Variants in CABIN1 observed in about 807,000 individuals in gnomAD.
CABIN1 encodes the protein calcineurin-binding protein cabin-1.
In CABIN1, 133 loss-of-function variants were observed where a neutral mutation model predicts 227.7. The observed-to-expected ratio is 0.58, with a 90% CI of 0.51 to 0.67. CABIN1 has a LOEUF of 0.67. CABIN1 is among the 30% of genes least tolerant of loss of function. CABIN1 has a pLI of 0.00. For synonymous variants in CABIN1, 1,086 were observed against 1,155.1 expected (o/e 0.94, Z 1.21); for missense variants, 2,408 against 2,852.5 (o/e 0.84, Z 3.55).
intron 26 of CABIN1, among the ~76,000 whole-genome samples, chr22:24,104,770 T>C (rs2042417470): frequency 6.6e-6 from 1 of 152,244 alleles, no homozygotes; most frequent in Non-Finnish European, 1.5e-5. Flanking sequence ...AGGCAGCTTT[T>C]ATCTAGTCAG....
intron 29 of CABIN1, among the ~76,000 whole-genome samples, chr22:24,144,529 G>A (rs1178062606): frequency 6.6e-6 from 1 of 152,264 alleles, no homozygotes; most frequent in Non-Finnish European, 1.5e-5. Flanking sequence ...CAGCAGCCAT[G>A]GAACCCAGAG....
intron 1 of CABIN1, among the ~76,000 whole-genome samples, chr22:24,019,454 C>T (rs566184410): frequency 5.0e-4 from 75 of 151,236 alleles, no homozygotes; most frequent in Middle Eastern, 3.4e-3. Context: ...AGGGTTTCAC[C>T]GTGTTGGCCA....
chr22:24,063,224 G>C, intron 14 of CABIN1, 78 bp downstream of exon 14: 1 of 1,342,774 alleles, frequency 7.4e-7, no homozygotes, highest in Non-Finnish European at 1.1e-6. Flanking sequence ...CATGTTGAGG[G>C]TGTGTGTGTG....
At chr22:24,093,892 T>A (rs1474078071) in intron 24 of CABIN1, among the ~76,000 whole-genome samples, 1 of 151,740 alleles carries the variant, frequency 6.6e-6, no homozygotes, top group Admixed American at 6.6e-5. Flanking sequence ...AAAAAAAAAA[T>A]TAAATTTGCC....
chr22:24,078,325 A>G (rs561329759), intron 19 of CABIN1, among the ~76,000 whole-genome samples: 1 of 152,328 alleles, frequency 6.6e-6, no homozygotes, highest in East Asian at 1.9e-4. Flanking sequence ...ATGAATGAAC[A>G]AACATAAAGA....
At chr22:24,061,056 GACAGGC>G (rs1601846226) in intron 12 of CABIN1, among the ~76,000 whole-genome samples, 1 of 152,212 alleles carries the variant, frequency 6.6e-6, no homozygotes, top group East Asian at 1.9e-4. Flanking sequence ...GCACTGGGAT[GACAGGC>G]GGGAGCCACC....
Position 24,035,495 on chromosome 22 carries a change from G to A in CABIN1, c.-23G>A. The A allele has an allele frequency of 6.2e-7, 1 of 1,614,140 alleles. No homozygotes were observed. Among genetic ancestry groups the A allele is most frequent in the Middle Eastern group, 1.7e-4 (1 of 6,058 alleles). On this transcript the variant is annotated 5_prime_UTR_variant, in exon 2 of 37. Transcript: ENST00000263119. ...GCCAGTGATGAGAAGTGATGCTCGT[G>A]GCAGTGCTGAATCTCTCTGAATATG...
chr22:24,029,210 C>G (rs1194108481), intron 1 of CABIN1, among the ~76,000 whole-genome samples: 1 of 152,006 alleles, frequency 6.6e-6, no homozygotes, highest in African/African-American at 2.4e-5. Flanking sequence ...AAAAATTAGC[C>G]AGACGTGGTG....
At chr22:24,156,379 C>T (rs1013000191) in intron 29 of CABIN1, among the ~76,000 whole-genome samples, 2 of 151,958 alleles carry the variant, frequency 1.3e-5, no homozygotes, top group Admixed American at 6.6e-5. Context: ...GCGGCCAAGC[C>T]GGCTTGGGCG....
intron 29 of CABIN1, among the ~76,000 whole-genome samples, chr22:24,154,966 G>GCGCTATGTGATAAGAGAGAAGCT (rs994022941): frequency 2.4e-4 from 36 of 152,100 alleles, no homozygotes; most frequent in East Asian, 1.9e-4. Flanking sequence ...GGGAGGAACG[G>GCGCTATGTGATAAGAGAGAAGCT]CGCTATGTGA....
rs71184946 is a variant in CABIN1 at position 24,082,085 on chromosome 22, C to CTT, written c.2749-1123_2749-1122dup. Among the ~76,000 whole-genome samples, 467 of 121,108 alleles carry CTT rather than the reference C, an allele frequency of 3.9e-3. 4 individuals carry two copies. Among genetic ancestry groups the CTT allele is most frequent in the African/African-American group, 4.5e-3 (150 of 33,176 alleles). 79.5% of individuals were successfully genotyped at this position (121,108 alleles called of 152,430 possible). On this transcript the variant is annotated intron_variant, in intron 19 of 36. Coordinates refer to ENST00000263119, the MANE Select transcript of CABIN1 (RefSeq NM_012295.4). ...GGTCTTCCTTGATTTTATTCTCTCT[C>CTT]TTTTTTTTTTTTTTTTTTTTTGAGA...
At chr22:24,135,305 G>T (rs2044327398) in intron 29 of CABIN1, among the ~76,000 whole-genome samples, 1 of 151,942 alleles carries the variant, frequency 6.6e-6, no homozygotes, top group Non-Finnish European at 1.5e-5. Flanking sequence ...CAGGAGAATT[G>T]CTTGAACCCA....
chr22:24,100,292 C>T (rs1304094232), intron 26 of CABIN1, among the ~76,000 whole-genome samples: 1 of 152,200 alleles, frequency 6.6e-6, no homozygotes, highest in Non-Finnish European at 1.5e-5. Flanking sequence ...AACTCAGCTG[C>T]CTCACCTCTG....
At chr22:24,150,358 A>T (rs965151805) in intron 29 of CABIN1, among the ~76,000 whole-genome samples, 1 of 152,206 alleles carries the variant, frequency 6.6e-6, no homozygotes, top group Non-Finnish European at 1.5e-5. Flanking sequence ...CCAGATTGTC[A>T]GACAGACTCA....
chr22:24,021,645 A>G (rs1219303583), intron 1 of CABIN1, among the ~76,000 whole-genome samples: 2 of 151,976 alleles, frequency 1.3e-5, no homozygotes, highest in Non-Finnish European at 2.9e-5. Flanking sequence ...TCTAATTTTT[A>G]GGGTGTTACT....
At chr22:24,106,998 C>G (rs2042554092) in intron 26 of CABIN1, among the ~76,000 whole-genome samples, 1 of 152,156 alleles carries the variant, frequency 6.6e-6, no homozygotes, top group Non-Finnish European at 1.5e-5. Flanking sequence ...AGAAAATGGG[C>G]CTTGGGCCTT....
intron 29 of CABIN1, among the ~76,000 whole-genome samples, chr22:24,160,958 A>G (rs1309124591): frequency 6.6e-6 from 1 of 151,928 alleles, no homozygotes; most frequent in African/African-American, 2.4e-5. Context: ...CATAGCAGTC[A>G]TGCCCTCCCT....
chr22:24,118,704 A>C (rs1474933182), intron 27 of CABIN1, among the ~76,000 whole-genome samples: 1 of 152,170 alleles, frequency 6.6e-6, no homozygotes, highest in Non-Finnish European at 1.5e-5. Context: ...CCTGCACCTC[A>C]GGGTCTAGCC....
chr22:24,076,072 C>G, intron 18 of CABIN1, 97 bp from the exon 19 acceptor site: 1 of 759,026 alleles, frequency 1.3e-6, no homozygotes. Context: ...TTGATAAAGA[C>G]AGAAAAGCCC....
Sources: gnomAD v4.1 joint callset for allele counts (sites outside exome capture counted in the v4.1 genomes callset) on GRCh38, gnomAD v4.1.1 for gene constraint, MANE v1.5 for transcripts, NCBI Gene and HGNC (gene_info 2026-07-23, HGNC 2026-07-21) for gene names.